Variants in CREBBP observed in about 807,000 individuals in gnomAD.
The protein encoded by CREBBP is CREB-binding protein.
A neutral mutation model predicts 265.0 loss-of-function variants in CREBBP; 19 were observed. The observed-to-expected ratio is 0.07, with a 90% CI of 0.05 to 0.11. CREBBP has a LOEUF of 0.11. Ranked by LOEUF, CREBBP falls within the 10% of genes least tolerant of loss-of-function variation. The pLI is 1.00. For synonymous variants in CREBBP, 1,457 were observed against 1,223.7 expected (o/e 1.19, Z -3.98); for missense variants, 2,525 against 3,219.0 (o/e 0.78, Z 5.22).
At chr16:3,774,876 A>G in intron 11 of CREBBP, 183 bp from the exon 12 acceptor site, 1 of 810,702 alleles carries the variant, frequency 1.2e-6, no homozygotes, top group African/African-American at 1.7e-5. Context: ...TCCAGAGAAA[A>G]CGGCATCAAT....
chr16:3,763,929 C>T (rs1346851931), intron 16 of CREBBP, among the ~76,000 whole-genome samples: 3 of 149,638 alleles, frequency 2.0e-5, no homozygotes, highest in African/African-American at 7.4e-5. Context: ...ACTGCAGCCT[C>T]CACCTCCTGG....
At chr16:3,805,281 C>A (rs894714132) in intron 3 of CREBBP, among the ~76,000 whole-genome samples, 1 of 152,182 alleles carries the variant, frequency 6.6e-6, no homozygotes, top group Non-Finnish European at 1.5e-5. Flanking sequence ...CCCACGTTTT[C>A]CAGTTCAATT....
chr16:3,777,909 G>T, intron 10 of CREBBP, 102 bp downstream of exon 10: 2 of 1,365,502 alleles, frequency 1.5e-6, no homozygotes, highest in Non-Finnish European at 2.1e-6. Flanking sequence ...TGCAGGGCAT[G>T]CATCAGATAT....
rs540159020 is a variant in CREBBP at position 3,860,042 on chromosome 16, T to G, written c.86-9033A>C. ...GGGGGGCGGGGGCAGTCTTGAGGACTGAGCCCTCAACCGTGGGATCTGACA... is the reference window on the plus strand; with the variant it reads ...GGGGGGCGGGGGCAGTCTTGAGGACGGAGCCCTCAACCGTGGGATCTGACA... On this transcript the variant is annotated intron_variant, in intron 1 of 30. Transcript: ENST00000262367. Among the ~76,000 whole-genome samples the G allele has an allele frequency of 6.9e-4, 105 of 152,244 alleles. 2 individuals are homozygous for G. Among genetic ancestry groups the G allele is most frequent in the African/African-American group, 2.4e-3 (99 of 41,556 alleles).
rs764357401 is a variant in CREBBP at position 3,729,109 on chromosome 16, T to C, written c.5938A>G (p.Ser1980Gly). Reference sequence around the variant, plus strand: ...ATGCCCGTGCGTCCTGGGGGCATGCTGTTGTTGATGTTCACCCGGTACAGG... The same window carrying C: ...ATGCCCGTGCGTCCTGGGGGCATGCCGTTGTTGATGTTCACCCGGTACAGG... ...QHLYRVNINN[S>G]MPPGRTGMGT... The change falls in exon 31 of 31, where the codon AGC (serine) becomes GGC (glycine). Residue 1980 changes from serine (S) to glycine (G), a missense_variant. Ser to Gly is a moderately conservative substitution (Grantham distance 56). Coordinates refer to ENST00000262367, the MANE Select transcript of CREBBP (RefSeq NM_004380.3). 3.2e-6 allele frequency: 5 copies of C among 1,581,500 alleles called. No homozygotes were observed. In the South Asian group the frequency reaches 4.5e-5, roughly 14 times the overall value.
intron 3 of CREBBP, among the ~76,000 whole-genome samples, chr16:3,800,700 C>T (rs1049003670): frequency 9.2e-5 from 14 of 151,974 alleles, no homozygotes; most frequent in African/African-American, 3.4e-4. Flanking sequence ...GCCTGGGCAA[C>T]ATAGCAAGAC....
chr16:3,781,342 A>G, intron 6 of CREBBP, 36 bp from the exon 7 acceptor site: 1 of 1,521,900 alleles, frequency 6.6e-7, no homozygotes, highest in Non-Finnish European at 9.1e-7. Context: ...CAACAGTTAA[A>G]TTTTAATATA....
At chr16:3,777,520 G>T in intron 11 of CREBBP, 93 bp downstream of exon 11, 2 of 1,325,932 alleles carry the variant, frequency 1.5e-6, no homozygotes, top group South Asian at 2.4e-5. Context: ...GAAAGGGTTA[G>T]AAAGAAATAT....
intron 16 of CREBBP, among the ~76,000 whole-genome samples, chr16:3,766,688 GC>G (rs2052861300): frequency 6.6e-6 from 1 of 152,020 alleles, no homozygotes; most frequent in Admixed American, 6.6e-5. Flanking sequence ...ACCACACTTA[GC>G]TAGTTTTATT....
At chr16:3,779,494 T>C (rs1311497435) in intron 8 of CREBBP, among the ~76,000 whole-genome samples, 1 of 152,110 alleles carries the variant, frequency 6.6e-6, no homozygotes, top group African/African-American at 2.4e-5. Context: ...TCCAATGCCA[T>C]CAAATAAGCA....
chr16:3,810,302 T>C (rs2053912078), intron 3 of CREBBP, among the ~76,000 whole-genome samples: 1 of 152,204 alleles, frequency 6.6e-6, no homozygotes, highest in Admixed American at 6.5e-5. Context: ...GAAAAGCCAG[T>C]GTCTCTGGTT....
At chr16:3,795,517 G>T (rs2053591315) in intron 3 of CREBBP, among the ~76,000 whole-genome samples, 1 of 152,052 alleles carries the variant, frequency 6.6e-6, no homozygotes, top group African/African-American at 2.4e-5. Context: ...TCAGATAGTG[G>T]GCTGGAATGA....
chr16:3,776,069 A>G (rs2053131398), intron 11 of CREBBP, among the ~76,000 whole-genome samples: 2 of 152,048 alleles, frequency 1.3e-5, no homozygotes, highest in African/African-American at 2.4e-5. Context: ...GGTGTGCACC[A>G]CCATGCCTGG....
chr16:3,779,007 A>C (rs900769366), intron 8 of CREBBP, among the ~76,000 whole-genome samples, 190 bp from the exon 9 acceptor site: 1 of 151,900 alleles, frequency 6.6e-6, no homozygotes, highest in African/African-American at 2.4e-5. Flanking sequence ...TCTCTACTAA[A>C]AATACAAAAA....
At chr16:3,784,594 A>T (rs1004622370) in intron 5 of CREBBP, 1 of 152,226 alleles carries the variant, frequency 6.6e-6, no homozygotes, top group African/African-American at 2.4e-5. Flanking sequence ...TTTTTCTACA[A>T]CCTTGCGCTG....
intron 1 of CREBBP, among the ~76,000 whole-genome samples, chr16:3,861,526 T>C (rs953047111): frequency 8.5e-5 from 13 of 152,112 alleles, no homozygotes; most frequent in African/African-American, 3.1e-4. Context: ...CACTTATCAA[T>C]GGTAGTGACT....
chr16:3,839,976 G>A (rs1359405487), intron 2 of CREBBP, among the ~76,000 whole-genome samples: 1 of 152,100 alleles, frequency 6.6e-6, no homozygotes, highest in African/African-American at 2.4e-5. Context: ...TCTCTCATTA[G>A]AGTCATAATA....
intron 19 of CREBBP, among the ~76,000 whole-genome samples, chr16:3,756,711 A>G (rs2052594541): frequency 6.6e-6 from 1 of 152,224 alleles, no homozygotes; most frequent in African/African-American, 2.4e-5. Flanking sequence ...GCACTCATGC[A>G]AGTCTTTCCA....
intron 1 of CREBBP, among the ~76,000 whole-genome samples, chr16:3,865,852 G>A (rs968152742): frequency 6.6e-6 from 1 of 152,092 alleles, no homozygotes; most frequent in African/African-American, 2.4e-5. Flanking sequence ...TGGCCAGGAC[G>A]GTCTCGATAT....
Sources: gnomAD v4.1 joint callset for allele counts (sites outside exome capture counted in the v4.1 genomes callset) on GRCh38, gnomAD v4.1.1 for gene constraint, MANE v1.5 for transcripts, NCBI Gene and HGNC (gene_info 2026-07-23, HGNC 2026-07-21) for gene names.